Variants in LRBA observed in about 807,000 individuals in gnomAD.
LRBA encodes the protein LPS responsive beige-like anchor protein, also known as lipopolysaccharide-responsive and beige-like anchor protein.
Under a neutral mutation model 330.0 loss-of-function variants are expected in LRBA, and 176 were observed. The observed-to-expected ratio is 0.53, with a 90% CI of 0.47 to 0.60. The LOEUF (loss-of-function observed/expected upper bound fraction) is 0.60. Ranked by LOEUF, LRBA falls within the 20% of genes least tolerant of loss-of-function variation. LRBA has a pLI of 0.00. For synonymous variants in LRBA, 1,230 were observed against 1,193.0 expected, an observed-to-expected ratio of 1.03 and a Z score of -0.64; for missense variants, 3,259 against 3,444.8, an observed-to-expected ratio of 0.95 and a Z score of 1.35.
intron 40 of LRBA, among the ~76,000 whole-genome samples, chr4:150,541,607 C>T (rs1765324485): frequency 6.6e-6 from 1 of 152,098 alleles, no homozygotes; most frequent in East Asian, 1.9e-4. Context: ...AGTTTAAATA[C>T]ATTTTTATAG....
At chr4:150,938,897 G>A (rs1735378637) in intron 2 of LRBA, among the ~76,000 whole-genome samples, 1 of 152,130 alleles carries the variant, frequency 6.6e-6, no homozygotes, top group African/African-American at 2.4e-5. Context: ...TAATATAGAT[G>A]CTATTCACTG....
At position 150,599,714 on chromosome 4, in the gene LRBA, G is replaced by A. The variant is rs560141506; in HGVS notation, c.5922-583C>T. On this transcript the variant is annotated intron_variant, in intron 37 of 56. Transcript: ENST00000651943. Reference sequence around the variant, plus strand: ...TAATAAAATATTACTCTGTTTAGATGTGCAGGAATTTAATTAAAATAATCT... The same window carrying A: ...TAATAAAATATTACTCTGTTTAGATATGCAGGAATTTAATTAAAATAATCT... Among the ~76,000 whole-genome samples the A allele has an allele frequency of 2.1e-4, 32 of 152,240 alleles. No individual in the cohort carries two copies. The East Asian group carries it at 5.6e-3, about 27-fold the overall frequency.
intron 4 of LRBA, among the ~76,000 whole-genome samples, chr4:150,923,315 C>G (rs1467434021): frequency 6.6e-6 from 1 of 152,060 alleles, no homozygotes; most frequent in Non-Finnish European, 1.5e-5. Context: ...CCCTGCACTC[C>G]ATCCTTTTTT....
chr4:150,334,845 T>G (rs1275249940), intron 48 of LRBA, among the ~76,000 whole-genome samples: 4 of 149,660 alleles, frequency 2.7e-5, no homozygotes, highest in African/African-American at 7.3e-5. Context: ...TTTTTTTTTT[T>G]TTTTGACAGA....
intron 34 of LRBA, among the ~76,000 whole-genome samples, chr4:150,777,193 A>T (rs1737500788): frequency 6.6e-6 from 1 of 151,972 alleles, no homozygotes; most frequent in African/African-American, 2.4e-5. Flanking sequence ...TCCTGACCTC[A>T]AGCAATCCTC....
chr4:150,639,890 C>G (rs1194682167), intron 37 of LRBA, among the ~76,000 whole-genome samples: 2 of 122,096 alleles, frequency 1.6e-5, no homozygotes, highest in African/African-American at 6.4e-5. Context: ...GAGTTTCGCT[C>G]TTGCTGCCCA....
chr4:150,639,777 ATATATGTGTGTG>A (rs1778375306), intron 37 of LRBA, among the ~76,000 whole-genome samples: 1 of 3,952 alleles, frequency 2.5e-4, no homozygotes, highest in African/African-American at 1.0e-3. Flanking sequence ...ATATATATAT[ATATATGTGTGTG>A]TGTATATATA....
rs1780674910 is a variant in LRBA, at chr4:150,659,113, G to C, written c.5921+24438C>G. 4.4e-5 allele frequency among the ~76,000 whole-genome samples: 6 copies of C among 137,524 alleles called. No individual in the cohort carries two copies. In the South Asian group the frequency reaches 1.5e-3, roughly 35 times the overall value. The allele number at this position is 137,524 out of a possible 152,430, so 90.2% of individuals were successfully genotyped here. On this transcript the variant is annotated intron_variant, in intron 37 of 56. Coordinates refer to ENST00000651943, the MANE Select transcript of LRBA (RefSeq NM_001364905.1). Reference sequence around the variant, plus strand: ...CTGCCTTGGCCTCCCAAAGTGCCGAGATTGCAGCCTCTGCCCGGCCGCCAC... The same window carrying C: ...CTGCCTTGGCCTCCCAAAGTGCCGACATTGCAGCCTCTGCCCGGCCGCCAC...
intron 47 of LRBA, among the ~76,000 whole-genome samples, chr4:150,374,042 C>A (rs1170161568): frequency 6.6e-6 from 1 of 152,168 alleles, no homozygotes; most frequent in Non-Finnish European, 1.5e-5. Context: ...GGACACCATA[C>A]TTCTCAAAAG....
At chr4:150,894,079 CTTTTT>C (rs916028147) in intron 16 of LRBA, among the ~76,000 whole-genome samples, 1 of 151,930 alleles carries the variant, frequency 6.6e-6, no homozygotes, top group East Asian at 1.9e-4. Context: ...TCCAACATGA[CTTTTT>C]TTTAAGGAAG....
At chr4:150,500,203 G>A (rs1472774665) in intron 40 of LRBA, among the ~76,000 whole-genome samples, 4 of 151,722 alleles carry the variant, frequency 2.6e-5, no homozygotes, top group South Asian at 4.2e-4. Flanking sequence ...ACATCTTTAT[G>A]TACCCCATGA....
intron 36 of LRBA, among the ~76,000 whole-genome samples, chr4:150,685,412 ATATATATATTTTTTTTTTT>A (rs1382339820): frequency 1.1e-4 from 2 of 18,672 alleles, no homozygotes; most frequent in African/African-American, 1.9e-4. Context: ...ATATATATAT[ATATATATATTTTTTTTTTT>A]TTTTTTTTTT....
At chr4:150,305,565 C>G (rs987164486) in intron 52 of LRBA, among the ~76,000 whole-genome samples, 3 of 152,088 alleles carry the variant, frequency 2.0e-5, no homozygotes, top group African/African-American at 7.2e-5. Context: ...ATTAAACAAA[C>G]CCAGACTGGT....
chr4:150,917,131 C>T (rs1324953013), intron 5 of LRBA, among the ~76,000 whole-genome samples: 4 of 150,084 alleles, frequency 2.7e-5, no homozygotes, highest in Non-Finnish European at 4.4e-5. Flanking sequence ...ACAGCCTGGG[C>T]GAAAGAGCAA....
At chr4:150,741,611 C>G (rs1731985788) in intron 35 of LRBA, among the ~76,000 whole-genome samples, 1 of 151,938 alleles carries the variant, frequency 6.6e-6, no homozygotes, top group Admixed American at 6.6e-5. Context: ...TAGCAACTAC[C>G]CAAATGTCCA....
chr4:150,805,500 AGGAGAAAGAG>A lies in LRBA; in HGVS notation c.5518+761_5518+770del, dbSNP rs1560842208. On this transcript the variant is annotated intron_variant, in intron 33 of 56. Transcript: ENST00000651943. ...AAGGAAAGGAAAGGAAAGGAGAAGG[AGGAGAAAGAG>A]AAGGAAAGGAAAAGGAAAGGAAAGG... Among the ~76,000 whole-genome samples the A allele has an allele frequency of 1.2e-3, 140 of 120,832 alleles. 6 individuals are homozygous for A. The highest frequency in any genetic ancestry group is 3.7e-3 in the African/African-American group (114 of 30,910). The allele number at this position is 120,832 out of a possible 152,430, so 79.3% of individuals were successfully genotyped here. A position where few individuals can be genotyped will look rare whatever the true frequency, so the allele number is the denominator to read the frequency against.
intron 36 of LRBA, among the ~76,000 whole-genome samples, chr4:150,705,637 C>T (rs1785543380): frequency 6.6e-6 from 1 of 151,866 alleles, no homozygotes; most frequent in South Asian, 2.1e-4. Context: ...AAAGAAAAAA[C>T]TAAGACCAAA....
intron 36 of LRBA, chr4:150,721,207 T>C (rs987815977): frequency 2.9e-5 from 14 of 486,756 alleles, no homozygotes; most frequent in Admixed American, 6.0e-5. Flanking sequence ...CTCCAAACAA[T>C]AGAAGTAGAA....
chr4:150,511,555 C>T (rs1011631310), intron 40 of LRBA, among the ~76,000 whole-genome samples: 4 of 152,174 alleles, frequency 2.6e-5, no homozygotes, highest in African/African-American at 7.2e-5. Flanking sequence ...CTTCTTTCAA[C>T]GTGCACCACC....
Sources: gnomAD v4.1 joint callset for allele counts (sites outside exome capture counted in the v4.1 genomes callset) on GRCh38, gnomAD v4.1.1 for gene constraint, MANE v1.5 for transcripts, NCBI Gene and HGNC (gene_info 2026-07-23, HGNC 2026-07-21) for gene names.